The following AFDN variants were observed in gnomAD, a reference collection of about 807,000 sequenced individuals.
AFDN encodes the protein afadin.
Under a neutral mutation model 216.6 loss-of-function variants are expected in AFDN, and 68 were observed. That is an observed-to-expected ratio of 0.31 (90% confidence interval 0.26 to 0.38). The LOEUF (loss-of-function observed/expected upper bound fraction) is 0.38. AFDN is among the 10% of genes least tolerant of loss of function. The pLI is 1.00. For synonymous variants in AFDN, 868 were observed against 853.7 expected (o/e 1.02, Z -0.29); for missense variants, 2,136 against 2,342.0 (o/e 0.91, Z 1.82).
chr6:167,849,382 C>T (rs1436757041), intron 1 of AFDN, among the ~76,000 whole-genome samples: 2 of 151,948 alleles, frequency 1.3e-5, no homozygotes, highest in Non-Finnish European at 2.9e-5. Context: ...ACTCTGCATT[C>T]TTGTTTGTTG....
chr6:167,913,383 C>T lies in AFDN; in HGVS notation c.2038-20C>T. 1 of 1,535,506 alleles carries T rather than the reference C, an allele frequency of 6.5e-7. No homozygotes were observed. Among genetic ancestry groups the T allele is most frequent in the Non-Finnish European group, 8.7e-7 (1 of 1,146,548 alleles). On this transcript the variant is annotated intron_variant, in intron 15 of 33. Transcript: ENST00000683244. ...CTTTCTCTCGTTCTGCTTGATTTCCCCTCGTCTGTTTTTCTCCAGGAAGTA... is the reference window on the plus strand; with the variant it reads ...CTTTCTCTCGTTCTGCTTGATTTCCTCTCGTCTGTTTTTCTCCAGGAAGTA...
rs1215104972 is a variant in AFDN at position 167,843,872 on chromosome 6, G to A, written c.105+16635G>A. On this transcript the variant is annotated intron_variant, in intron 1 of 33. Transcript: ENST00000683244. Reference sequence around the variant, plus strand: ...CTTTTGTGTTAACATTTCAATATCTGACTAAAGGAGAAACACCTTGGGATA... The same window carrying A: ...CTTTTGTGTTAACATTTCAATATCTAACTAAAGGAGAAACACCTTGGGATA... 2.0e-5 allele frequency among the ~76,000 whole-genome samples: 3 copies of A among 152,122 alleles called. No homozygotes were observed. The South Asian group carries it at 6.2e-4, about 32-fold the overall frequency.
rs1049547582 is a variant in AFDN at position 167,954,301 on chromosome 6, G to A, written c.4833+2114G>A. On this transcript the variant is annotated intron_variant, in intron 30 of 33. Coordinates refer to ENST00000683244, the MANE Select transcript of AFDN (RefSeq NM_001386888.1). ...ATTTTTCTGTTTCTGAATACTAGAA[G>A]TTAGTCTGTAGTTCTTTACCTTTCT... Among the ~76,000 whole-genome samples the A allele has an allele frequency of 2.6e-5, 4 of 152,172 alleles. No homozygotes were observed. In the East Asian group the frequency reaches 7.7e-4, roughly 29 times the overall value.
rs185378095 is a variant in AFDN at position 167,932,177 on chromosome 6, A to G, written c.3099+7086A>G. 4.5e-4 allele frequency among the ~76,000 whole-genome samples: 69 copies of G among 152,208 alleles called. 1 individual carries two copies. The East Asian group carries it at 9.8e-3, about 22-fold the overall frequency. On this transcript the variant is annotated intron_variant, in intron 23 of 33. Coordinates refer to ENST00000683244, the MANE Select transcript of AFDN (RefSeq NM_001386888.1). ...CATTTGTGTGCTTTTCTTGTTTTCT[A>G]TAAGCTGCGTGGTTTTTGTCTTTGG...
chr6:167,847,096 A>G (rs1199611645), intron 1 of AFDN, among the ~76,000 whole-genome samples: 1 of 151,994 alleles, frequency 6.6e-6, no homozygotes, highest in Non-Finnish European at 1.5e-5. Flanking sequence ...CACGAAAACC[A>G]CTCTCCTCAA....
intron 29 of AFDN, among the ~76,000 whole-genome samples, chr6:167,949,831 C>G (rs1005399525): frequency 7.3e-6 from 1 of 136,814 alleles, no homozygotes; most frequent in African/African-American, 2.7e-5. Flanking sequence ...TTATAGTATA[C>G]AGCTGCTACT....
At chr6:167,842,750 T>G (rs1467895524) in intron 1 of AFDN, among the ~76,000 whole-genome samples, 3 of 152,220 alleles carry the variant, frequency 2.0e-5, no homozygotes, top group South Asian at 4.1e-4. Flanking sequence ...GGTGATGATT[T>G]ACCTATACTA....
intron 2 of AFDN, among the ~76,000 whole-genome samples, chr6:167,869,423 T>C (rs927561739): frequency 2.0e-5 from 3 of 152,186 alleles, no homozygotes; most frequent in Non-Finnish European, 2.9e-5. Context: ...TTTGGGTAGG[T>C]CACTCAATAC....
At chr6:167,860,328 C>T (rs1171661971) in intron 1 of AFDN, among the ~76,000 whole-genome samples, 2 of 152,036 alleles carry the variant, frequency 1.3e-5, no homozygotes, top group Admixed American at 6.6e-5. Context: ...GAACAGACAA[C>T]CACAGCTGGC....
At chr6:167,882,678 A>G (rs1786277750) in intron 6 of AFDN, among the ~76,000 whole-genome samples, 1 of 152,052 alleles carries the variant, frequency 6.6e-6, no homozygotes, top group Admixed American at 6.6e-5. Context: ...AACCAAAGGA[A>G]ATGGAGAGAC....
Position 167,907,188 on chromosome 6 carries a change from C to T in AFDN, c.1668C>T (p.Asp556=), listed in dbSNP as rs1789809558. Residue 556 remains aspartate, a synonymous_variant, in exon 13 of 34, where the codon GAC becomes GAT. Transcript: ENST00000683244. ...CCATGTAGAGCACCACTAGGCTGGACAGCGACAGAGTGTCGTCTGCCTCTA... is the reference window on the plus strand; with the variant it reads ...CCATGTAGAGCACCACTAGGCTGGATAGCGACAGAGTGTCGTCTGCCTCTA... The part of the protein sequence containing the change: ...LPTSKSTTRL[D]SDRVSSASST... The T allele has an allele frequency of 1.2e-6, 2 of 1,614,056 alleles. No homozygotes were observed. The highest frequency in any genetic ancestry group is 1.7e-6 in the Non-Finnish European group (2 of 1,179,932).
chr6:167,952,784 A>G (rs978813522), intron 30 of AFDN, among the ~76,000 whole-genome samples: 6 of 152,248 alleles, frequency 3.9e-5, no homozygotes, highest in African/African-American at 1.2e-4. Flanking sequence ...AGTCATTACC[A>G]AAAATAGAAT....
At chr6:167,947,048 G>A in intron 27 of AFDN, 147 bp downstream of exon 27, 1 of 678,082 alleles carries the variant, frequency 1.5e-6, no homozygotes, top group Non-Finnish European at 2.4e-6. Flanking sequence ...GATATCATAA[G>A]TAACATTTCT....
intron 30 of AFDN, 90 bp downstream of exon 30, chr6:167,952,277 G>T (rs758118751): frequency 6.3e-7 from 1 of 1,597,974 alleles, no homozygotes; most frequent in Non-Finnish European, 8.5e-7. Flanking sequence ...GCCCCTGATC[G>T]TGATAAGGAT....
intron 1 of AFDN, among the ~76,000 whole-genome samples, chr6:167,850,662 A>C (rs1216178531): frequency 6.6e-6 from 1 of 152,214 alleles, no homozygotes; most frequent in African/African-American, 2.4e-5. Flanking sequence ...ATACTTAAAG[A>C]AGAATCTTAG....
rs1797973682 is a variant in AFDN at position 167,970,821 on chromosome 6, G to A, written c.*886G>A. ...ATGTGACTGGGAATGACAGAAGAAT[G>A]GGAGATGAGTAGGGACCCCTCAAGC... On this transcript the variant is annotated 3_prime_UTR_variant, in exon 34 of 34. Transcript: ENST00000683244. 4.6e-6 allele frequency: 1 copy of A among 219,412 alleles called. No homozygotes were observed. Among genetic ancestry groups the A allele is most frequent in the African/African-American group, 2.2e-5 (1 of 44,494 alleles). 13.6% of individuals were successfully genotyped at this position (219,412 alleles called of 1,614,324 possible). A position where few individuals can be genotyped will look rare whatever the true frequency, so the allele number is the denominator to read the frequency against.
chr6:167,905,569 AAC>A (rs1445928527), intron 12 of AFDN, among the ~76,000 whole-genome samples: 3 of 152,152 alleles, frequency 2.0e-5, no homozygotes, highest in Non-Finnish European at 2.9e-5. Context: ...TATGCATTTT[AAC>A]ACAATTGGAT....
rs1316319104 is a variant in AFDN, at chr6:167,898,436, C to T, written c.1549C>T (p.Leu517=). ...TGCAAAAAGATCTGTGGATGGAGGC[C>T]TGATGGTTAAGGGCCCAAGACATAA... The part of the protein sequence containing the change: ...ALAKRSVDGG[L]MVKGPRHKPG... Residue 517 remains leucine, a synonymous_variant, in exon 11 of 34, where the codon CTG becomes TTG. Coordinates refer to ENST00000683244, the MANE Select transcript of AFDN (RefSeq NM_001386888.1). 2 of 1,614,084 alleles carry T rather than the reference C, an allele frequency of 1.2e-6. No homozygotes were observed. Among genetic ancestry groups the T allele is most frequent in the Non-Finnish European group, 8.5e-7 (1 of 1,180,006 alleles).
At position 167,948,130 on chromosome 6, in the gene AFDN, T is replaced by C. The variant is rs1027625158; in HGVS notation, c.3646-163T>C. ...GGTAAATCAGTTTTAAATTAATAAG[T>C]CTGGGCAAAATGAAATGTTATTTAT... is the stretch of plus-strand genomic sequence containing the variant. On this transcript the variant is annotated intron_variant, in intron 28 of 33. Transcript: ENST00000683244. 4.3e-5 allele frequency: 34 copies of C among 790,344 alleles called. No individual in the cohort carries two copies. The South Asian group carries it at 6.9e-4, about 16-fold the overall frequency. 49.0% of individuals were successfully genotyped at this position (790,344 alleles called of 1,614,324 possible). A position where few individuals can be genotyped will look rare whatever the true frequency, so the allele number is the denominator to read the frequency against.
Sources: gnomAD v4.1 joint callset for allele counts (sites outside exome capture counted in the v4.1 genomes callset) on GRCh38, gnomAD v4.1.1 for gene constraint, MANE v1.5 for transcripts, NCBI Gene and HGNC (gene_info 2026-07-23, HGNC 2026-07-21) for gene names.